The following MARCHF1 variants were observed in gnomAD, a reference collection of about 807,000 sequenced individuals.
MARCHF1 encodes the protein E3 ubiquitin-protein ligase MARCHF1.
MARCHF1 carries 40 observed loss-of-function variants against 54.2 expected under a neutral mutation model. That is an observed-to-expected ratio of 0.74 (90% confidence interval 0.57 to 0.96). The LOEUF is 0.96. Ranked by LOEUF, MARCHF1 falls within the 40% of genes least tolerant of loss-of-function variation. The probability of loss-of-function intolerance (pLI) is 0.00; values close to 1 mark genes in which losing one functional copy is unlikely to be tolerated. For synonymous variants in MARCHF1, 236 were observed against 236.3 expected (o/e 1.00, Z 0.01); for missense variants, 586 against 656.5 (o/e 0.89, Z 1.17).
chr4:164,140,469 C>A (rs1756505344), intron 1 of MARCHF1, among the ~76,000 whole-genome samples: 1 of 152,026 alleles, frequency 6.6e-6, no homozygotes, highest in South Asian at 2.1e-4. Flanking sequence ...ATGCCAGACC[C>A]CTCACCCACA....
chr4:163,969,860 A>T (rs534900545), intron 3 of MARCHF1, among the ~76,000 whole-genome samples: 1 of 152,316 alleles, frequency 6.6e-6, no homozygotes, highest in Admixed American at 6.5e-5. Context: ...GGGAAAACGT[A>T]AGGGGAATGG....
chr4:163,928,773 A>C (rs965301402), intron 3 of MARCHF1, among the ~76,000 whole-genome samples: 1 of 151,954 alleles, frequency 6.6e-6, no homozygotes, highest in Non-Finnish European at 1.5e-5. Context: ...GAGTGGTAAA[A>C]ATCTACTTTA....
intron 5 of MARCHF1, among the ~76,000 whole-genome samples, chr4:163,680,957 T>A (rs953139665): frequency 6.6e-6 from 1 of 151,006 alleles, no homozygotes; most frequent in Non-Finnish European, 1.5e-5. Flanking sequence ...CATACACACA[T>A]ATATATTATT....
intron 4 of MARCHF1, among the ~76,000 whole-genome samples, chr4:163,847,772 G>C (rs1749528696): frequency 6.6e-6 from 1 of 151,740 alleles, no homozygotes; most frequent in Non-Finnish European, 1.5e-5. Context: ...TTAGAGACAG[G>C]ATTTCACCAT....
intron 4 of MARCHF1, among the ~76,000 whole-genome samples, chr4:163,798,937 G>A (rs1263832670): frequency 1.3e-5 from 2 of 152,156 alleles, no homozygotes; most frequent in East Asian, 1.9e-4. Context: ...CACTGTCCAT[G>A]CATATTATCA....
intron 1 of MARCHF1, among the ~76,000 whole-genome samples, chr4:164,176,619 A>G (rs946530765): frequency 2.0e-5 from 3 of 152,104 alleles, no homozygotes; most frequent in African/African-American, 7.2e-5. Flanking sequence ...ATATGCTCCT[A>G]CCCTAAGAAT....
intron 3 of MARCHF1, among the ~76,000 whole-genome samples, chr4:163,918,131 C>T (rs992947673): frequency 2.0e-5 from 3 of 152,142 alleles, no homozygotes; most frequent in African/African-American, 7.2e-5. Flanking sequence ...GTTCTCCCAG[C>T]ATCATTTAGT....
intron 3 of MARCHF1, among the ~76,000 whole-genome samples, chr4:163,903,213 A>G (rs1020403728): frequency 6.7e-6 from 1 of 148,428 alleles, no homozygotes; most frequent in Non-Finnish European, 1.5e-5. Flanking sequence ...TTGGATTTTA[A>G]TTTATCTCTG....
rs557927033 is a variant in MARCHF1 at position 164,170,500 on chromosome 4, T to G, written c.-322-58838A>C. On this transcript the variant is annotated intron_variant, in intron 1 of 9. Transcript: ENST00000514618. ...ATAGCATTATCTTTTACAATCACCATGGTTGTAAAGATTAAATGAGATAAT... is the reference window on the plus strand; with the variant it reads ...ATAGCATTATCTTTTACAATCACCAGGGTTGTAAAGATTAAATGAGATAAT... Among the ~76,000 whole-genome samples the G allele has an allele frequency of 7.9e-5, 12 of 152,194 alleles. No homozygotes were observed. In the South Asian group the frequency reaches 2.1e-3, roughly 26 times the overall value.
At chr4:163,938,496 C>G (rs1475908195) in intron 3 of MARCHF1, among the ~76,000 whole-genome samples, 2 of 152,114 alleles carry the variant, frequency 1.3e-5, no homozygotes, top group African/African-American at 4.8e-5. Flanking sequence ...AAAGTGCACA[C>G]TGTGGAGCTA....
At chr4:164,177,887 T>C (rs916335223) in intron 1 of MARCHF1, among the ~76,000 whole-genome samples, 20 of 152,058 alleles carry the variant, frequency 1.3e-4, no homozygotes, top group African/African-American at 4.8e-4. Flanking sequence ...AGTGTACTTC[T>C]GCATGTGTCA....
At chr4:163,853,205 C>A (rs952342203) in intron 4 of MARCHF1, among the ~76,000 whole-genome samples, 3 of 152,060 alleles carry the variant, frequency 2.0e-5, no homozygotes, top group African/African-American at 7.2e-5. Context: ...GTAAAAAATA[C>A]CCTAAATGAT....
chr4:164,154,017 G>C (rs1454418321), intron 1 of MARCHF1, among the ~76,000 whole-genome samples: 1 of 152,074 alleles, frequency 6.6e-6, no homozygotes, highest in Non-Finnish European at 1.5e-5. Context: ...CCACTCAAGA[G>C]CTAGCCTAAA....
intron 3 of MARCHF1, among the ~76,000 whole-genome samples, chr4:163,911,606 G>A (rs770698242): frequency 4.6e-5 from 7 of 152,096 alleles, no homozygotes; most frequent in South Asian, 4.1e-4. Context: ...GGGCTGAATC[G>A]TGTCACTCCA....
Position 163,612,347 on chromosome 4 carries a change from C to T in MARCHF1, c.934G>A (p.Gly312Arg). 1 of 1,535,202 alleles carries T rather than the reference C, an allele frequency of 6.5e-7. No individual in the cohort carries two copies. The highest frequency in any genetic ancestry group is 8.7e-7 in the Non-Finnish European group (1 of 1,146,394). ...TGAACAGGGTTATTCACCTGGAGCC[C>T]TGCATCATTCATGTCCTTGCTGCCT... ...PEGSKDMNDA[G>R]LQVNNPVQKP... is the part of the protein sequence containing the mutation. Residue 312 changes from glycine (G) to arginine (R), a missense_variant, in exon 7 of 10, where the codon GGG (glycine) becomes AGG (arginine). By Grantham distance (125) the Gly-to-Arg change is moderately radical (BLOSUM62 -2). Around this residue, in one of 3 missense-constraint regions of MARCHF1, gnomAD observed 387 missense variants for 394.6 expected, o/e 0.98. Coordinates refer to ENST00000514618, the MANE Select transcript of MARCHF1 (RefSeq NM_001394959.1).
intron 3 of MARCHF1, among the ~76,000 whole-genome samples, chr4:163,942,942 A>G (rs1751943266): frequency 6.6e-6 from 1 of 152,138 alleles, no homozygotes; most frequent in African/African-American, 2.4e-5. Context: ...CCAAAAAAAA[A>G]AAAGAACAAA....
At chr4:163,707,361 G>A (rs1325332484) in intron 4 of MARCHF1, among the ~76,000 whole-genome samples, 3 of 152,006 alleles carry the variant, frequency 2.0e-5, no homozygotes, top group Non-Finnish European at 4.4e-5. Flanking sequence ...ATTCACAAGA[G>A]AGGCAACAGT....
At chr4:164,222,621 A>T (rs1169196303) in intron 1 of MARCHF1, among the ~76,000 whole-genome samples, 1 of 151,928 alleles carries the variant, frequency 6.6e-6, no homozygotes, top group East Asian at 1.9e-4. Context: ...AGAGAAAAAG[A>T]GAAGGATGGA....
At chr4:163,609,548 C>T (rs1217809977) in intron 7 of MARCHF1, among the ~76,000 whole-genome samples, 1 of 152,018 alleles carries the variant, frequency 6.6e-6, no homozygotes, top group South Asian at 2.1e-4. Flanking sequence ...ATCAGAGACA[C>T]TGGTGACTAC....
Sources: allele counts gnomAD v4.1 joint callset (sites outside exome capture counted in the v4.1 genomes callset), GRCh38; gene constraint gnomAD v4.1.1; regional missense constraint gnomAD v4.1.1; transcripts MANE v1.5; gene names NCBI Gene and HGNC (gene_info 2026-07-23, HGNC 2026-07-21).